The following HEATR5B variants were observed in gnomAD, a reference collection of about 807,000 sequenced individuals.
HEATR5B encodes the protein HEAT repeat-containing protein 5B.
Under a neutral mutation model 224.1 loss-of-function variants are expected in HEATR5B, and 156 were observed. The observed-to-expected ratio is 0.70, with a 90% CI of 0.61 to 0.80. The LOEUF is 0.80. HEATR5B is among the 30% of genes least tolerant of loss of function. The pLI, the probability that HEATR5B is intolerant of heterozygous loss-of-function variation, is 0.00. For synonymous variants in HEATR5B, 1,027 were observed against 893.0 expected (o/e 1.15, Z -2.68); for missense variants, 2,323 against 2,535.5 (o/e 0.92, Z 1.80).
intron 28 of HEATR5B, chr2:37,008,348 G>A (rs1274653545): frequency 2.0e-6 from 1 of 504,914 alleles, no homozygotes; most frequent in Non-Finnish European, 3.6e-6. Context: ...GTTACCCATA[G>A]CTATTTAGAA....
rs774909557 is a variant in HEATR5B, at chr2:37,037,936, T to C, written c.3135A>G (p.Ala1045=). ...GCTGCTGAAGGCAAGATATGGCAGCTGCCTGAACAAGAGAATCTGAATGGT... is the reference window on the plus strand; with the variant it reads ...GCTGCTGAAGGCAAGATATGGCAGCCGCCTGAACAAGAGAATCTGAATGGT... ...TQDHSDSLVQ[A]AAISCLQQLH... is the part of the protein sequence containing the mutation. The change falls in exon 21 of 36, where the codon GCA becomes GCG. Residue 1045 remains alanine, a synonymous_variant. Coordinates refer to ENST00000233099, the MANE Select transcript of HEATR5B (RefSeq NM_019024.3). 1.9e-6 allele frequency: 3 copies of C among 1,601,186 alleles called. No homozygotes were observed. The highest frequency in any genetic ancestry group is 2.6e-6 in the Non-Finnish European group (3 of 1,172,244).
Position 37,007,161 on chromosome 2 carries a change from A to G in HEATR5B, c.4666T>C (p.Ser1556Pro), listed in dbSNP as rs764841890. ...CSESTEAAAI[S>P]GLQKRSTSVN... ...GATGTAGAACGTTTTTGTAAACCAG[A>G]TATTGCTGCTGCTTCTGTAGACTCT... The change falls in exon 29 of 36, where the codon TCT becomes CCT. Residue 1556 changes from serine to proline, a missense_variant. Ser to Pro is a moderately conservative substitution (Grantham distance 74). Transcript: ENST00000233099. The G allele has an allele frequency of 1.9e-6, 3 of 1,614,096 alleles. No homozygotes were observed. The East Asian group carries it at 6.7e-5, about 36-fold the overall frequency.
At chr2:37,077,360 G>T (rs1672298899) in intron 3 of HEATR5B, among the ~76,000 whole-genome samples, 1 of 152,012 alleles carries the variant, frequency 6.6e-6, no homozygotes, top group Non-Finnish European at 1.5e-5. Flanking sequence ...CCACGCTGGA[G>T]TGCAGTGGTG....
chr2:37,075,990 A>T (rs1672206237), intron 4 of HEATR5B: 1 of 154,986 alleles, frequency 6.5e-6, no homozygotes, highest in Admixed American at 6.5e-5. Flanking sequence ...AAGTTGAGAA[A>T]TAATATATAA....
chr2:37,053,730 A>G (rs993321976), intron 16 of HEATR5B, 123 bp from the exon 17 acceptor site: 3 of 563,976 alleles, frequency 5.3e-6, no homozygotes, highest in East Asian at 2.9e-5. Context: ...TCTCTTTTCT[A>G]TTTCATTCCC....
chr2:37,026,932 G>A (rs981873014), intron 24 of HEATR5B, among the ~76,000 whole-genome samples: 8 of 152,152 alleles, frequency 5.3e-5, no homozygotes, highest in Admixed American at 1.3e-4. Flanking sequence ...CTGAGTAGCT[G>A]GGACTACAGG....
Position 37,049,821 on chromosome 2 carries a change from G to C in HEATR5B, c.2528C>G (p.Thr843Ser). ...ALKGLAENKS[T>S]LGPEEVRKSA... ...TTTACGAACTTCCTCAGGTCCTAAAGTACTTTTGTTTTCAGCTAAGCCCTA... is the reference window on the plus strand; with the variant it reads ...TTTACGAACTTCCTCAGGTCCTAAACTACTTTTGTTTTCAGCTAAGCCCTA... Residue 843 changes from threonine to serine, a missense_variant, in exon 18 of 36, where the codon ACT becomes AGT. Coordinates refer to ENST00000233099, the MANE Select transcript of HEATR5B (RefSeq NM_019024.3). 8.6e-7 allele frequency: 1 copy of C among 1,157,556 alleles called. No individual in the cohort carries two copies. Among genetic ancestry groups the C allele is most frequent in the Non-Finnish European group, 1.2e-6 (1 of 849,818 alleles). 71.7% of individuals were successfully genotyped at this position (1,157,556 alleles called of 1,614,324 possible).
chr2:36,990,018 C>G (rs1278986722), intron 34 of HEATR5B, among the ~76,000 whole-genome samples: 1 of 149,890 alleles, frequency 6.7e-6, no homozygotes, highest in Non-Finnish European at 1.5e-5. Context: ...TCTCCTGCCT[C>G]AGCCTCCCAA....
chr2:37,039,430 C>T (rs1195293950), intron 20 of HEATR5B, among the ~76,000 whole-genome samples: 4 of 151,860 alleles, frequency 2.6e-5, no homozygotes, highest in African/African-American at 9.7e-5. Flanking sequence ...CACACCACTG[C>T]ACTCCAGCCT....
In HEATR5B at chr2:37,059,462, A is replaced by ATTTT. The variant is rs1287761202; in HGVS notation, c.1850-476_1850-475insAAAA. ...TGTGTGTGTGTATATATATATATAT[A>ATTTT]TATTTTTTTTTTTTTTTTTTTGAGA... is the stretch of plus-strand genomic sequence containing the variant. On this transcript the variant is annotated intron_variant, in intron 12 of 35. Coordinates refer to ENST00000233099, the MANE Select transcript of HEATR5B (RefSeq NM_019024.3). Among the ~76,000 whole-genome samples, 22 of 93,896 alleles carry ATTTT rather than the reference A, an allele frequency of 2.3e-4. 2 individuals are homozygous for ATTTT. Among genetic ancestry groups the ATTTT allele is most frequent in the South Asian group, 1.2e-3 (3 of 2,408 alleles). The allele number at this position is 93,896 out of a possible 152,430, so 61.6% of individuals were successfully genotyped here. A position where few individuals can be genotyped will look rare whatever the true frequency, so the allele number is the denominator to read the frequency against.
At chr2:37,061,861 AC>A in intron 11 of HEATR5B, 77 bp downstream of exon 11, 1 of 794,816 alleles carries the variant, frequency 1.3e-6, no homozygotes, top group Non-Finnish European at 2.1e-6. Flanking sequence ...GTGAAGCTTA[AC>A]ACTTTTAAAT....
At chr2:37,060,822 A>C in intron 11 of HEATR5B, 89 bp from the exon 12 acceptor site, 1 of 1,082,252 alleles carries the variant, frequency 9.2e-7, no homozygotes, top group South Asian at 1.7e-5. Context: ...CACAAACTTT[A>C]TGTAATTTTA....
chr2:37,004,194 A>AG (rs1435974572), intron 30 of HEATR5B, among the ~76,000 whole-genome samples: 1 of 151,988 alleles, frequency 6.6e-6, no homozygotes, highest in Non-Finnish European at 1.5e-5. Flanking sequence ...AATTTCAAAG[A>AG]GGGGGAAAAG....
chr2:37,037,319 AT>A (rs1373212899), intron 21 of HEATR5B, among the ~76,000 whole-genome samples: 2 of 151,134 alleles, frequency 1.3e-5, no homozygotes, highest in African/African-American at 4.9e-5. Flanking sequence ...CTAATTTTGT[AT>A]TTTTAGTATA....
chr2:37,003,475 T>C, intron 31 of HEATR5B, 67 bp downstream of exon 31: 1 of 1,165,850 alleles, frequency 8.6e-7, no homozygotes, highest in Admixed American at 2.2e-5. Context: ...TGTCCTGGCG[T>C]TAATATTTTA....
chr2:36,990,819 G>C lies in HEATR5B; in HGVS notation c.5546-20C>G. The C allele has an allele frequency of 2.6e-6, 4 of 1,534,386 alleles. No homozygotes were observed. The highest frequency in any genetic ancestry group is 3.5e-6 in the Non-Finnish European group (4 of 1,138,236). On this transcript the variant is annotated intron_variant, in intron 33 of 35. Coordinates refer to ENST00000233099, the MANE Select transcript of HEATR5B (RefSeq NM_019024.3). ...AGTCTTCTGAAAATGAAAAATGAAAGAAGTGTGCTGTTTCTAAAACATTTT... is the reference window on the plus strand; with the variant it reads ...AGTCTTCTGAAAATGAAAAATGAAACAAGTGTGCTGTTTCTAAAACATTTT...
At chr2:37,049,937 C>G in intron 17 of HEATR5B, 94 bp from the exon 18 acceptor site, 4 of 1,238,558 alleles carry the variant, frequency 3.2e-6, no homozygotes, top group Non-Finnish European at 3.2e-6. Context: ...CTTGCCCAGG[C>G]TGGAGTGCAA....
At position 36,982,863 on chromosome 2, in the gene HEATR5B, T is replaced by TACACACACACACACACACACACAC. The variant is rs3836070; in HGVS notation, c.5912-1093_5912-1070dup. ...CATGTCTACATATAACAGACACAGA[T>TACACACACACACACACACACACAC]ACACACACACACACACACACACACA... On this transcript the variant is annotated intron_variant, in intron 35 of 35. Coordinates refer to ENST00000233099, the MANE Select transcript of HEATR5B (RefSeq NM_019024.3). 2.6e-4 allele frequency among the ~76,000 whole-genome samples: 33 copies of TACACACACACACACACACACACAC among 126,060 alleles called. 1 individual carries two copies. The highest frequency in any genetic ancestry group is 8.7e-4 in the South Asian group (3 of 3,436). The allele number at this position is 126,060 out of a possible 152,430, so 82.7% of individuals were successfully genotyped here. A position where few individuals can be genotyped will look rare whatever the true frequency, so the allele number is the denominator to read the frequency against.
chr2:37,051,702 T>C (rs1346924382), intron 17 of HEATR5B, among the ~76,000 whole-genome samples: 2 of 152,140 alleles, frequency 1.3e-5, no homozygotes, highest in African/African-American at 4.8e-5. Flanking sequence ...TACATACTAA[T>C]GGTTATATAA....
Sources: allele counts gnomAD v4.1 joint callset (sites outside exome capture counted in the v4.1 genomes callset), GRCh38; gene constraint gnomAD v4.1.1; transcripts MANE v1.5; gene names NCBI Gene and HGNC (gene_info 2026-07-23, HGNC 2026-07-21).